SHISA9: variants seen among roughly 807,000 people sequenced by gnomAD.
SHISA9 encodes the protein protein shisa-9.
In SHISA9, 13 loss-of-function variants were observed where a neutral mutation model predicts 38.0. That is an observed-to-expected ratio of 0.34 (90% CI 0.22 to 0.54). The LOEUF (loss-of-function observed/expected upper bound fraction) is 0.54. Among genes scored for constraint, SHISA9 ranks in the 20% least tolerant of loss-of-function variants. The pLI is 0.91. For synonymous variants in SHISA9, 275 were observed against 242.0 expected (o/e 1.14, Z -1.27); for missense variants, 538 against 575.8 (o/e 0.93, Z 0.67).
At chr16:12,928,173 T>C (rs1448637121) in intron 2 of SHISA9, among the ~76,000 whole-genome samples, 2 of 51,138 alleles carry the variant, frequency 3.9e-5, no homozygotes, top group East Asian at 1.2e-3. Flanking sequence ...TTTCTTATCT[T>C]ATATTTTTTT....
chr16:13,220,917 T>A (rs1386642711), intron 4 of SHISA9, among the ~76,000 whole-genome samples: 1 of 152,040 alleles, frequency 6.6e-6, no homozygotes, highest in Non-Finnish European at 1.5e-5. Context: ...AGGGGGCCCA[T>A]GGTACAGGCT....
the SHISA9 span, among the ~76,000 whole-genome samples, chr16:13,376,813 G>T: frequency 6.6e-6 from 1 of 152,020 alleles, no homozygotes; most frequent in African/African-American, 2.4e-5. Flanking sequence ...TCAGCCTCCT[G>T]AGTAGCTGAG....
intron 2 of SHISA9, among the ~76,000 whole-genome samples, chr16:13,084,891 G>C (rs1438494650): frequency 6.6e-6 from 1 of 152,214 alleles, no homozygotes; most frequent in Admixed American, 6.5e-5. Context: ...TGATTTCCAA[G>C]GGGGGAAGGT....
the SHISA9 span, among the ~76,000 whole-genome samples, chr16:13,402,234 A>C: frequency 6.6e-6 from 1 of 152,170 alleles, no homozygotes; most frequent in Non-Finnish European, 1.5e-5. Flanking sequence ...AGAACCAGGA[A>C]GCCTTGGAGT....
At chr16:13,032,625 T>C (rs2073005524) in intron 2 of SHISA9, among the ~76,000 whole-genome samples, 1 of 152,168 alleles carries the variant, frequency 6.6e-6, no homozygotes. Context: ...TGTAATGAAG[T>C]AAAGTGCCTT....
chr16:12,905,997 C>T (rs769867918), intron 1 of SHISA9, among the ~76,000 whole-genome samples: 5 of 152,212 alleles, frequency 3.3e-5, no homozygotes, highest in Non-Finnish European at 7.3e-5. Flanking sequence ...GGGCTGCTTA[C>T]GCAGTTAATC....
At chr16:13,023,469 G>A (rs1016362213) in intron 2 of SHISA9, among the ~76,000 whole-genome samples, 17 of 152,094 alleles carry the variant, frequency 1.1e-4, no homozygotes, top group African/African-American at 1.9e-4. Context: ...GAATAGTGCC[G>A]CAATAAACAT....
the SHISA9 span, among the ~76,000 whole-genome samples, chr16:13,482,688 C>A: frequency 2.6e-3 from 393 of 151,928 alleles, 1 homozygote; most frequent in African/African-American, 8.9e-3. Flanking sequence ...GTAGTCCCAG[C>A]TACTCAGAAG....
At chr16:13,476,874 G>C in the SHISA9 span, among the ~76,000 whole-genome samples, 2 of 146,510 alleles carry the variant, frequency 1.4e-5, no homozygotes, top group Admixed American at 1.4e-4. Flanking sequence ...TCAGCCTCCC[G>C]AGTAGCTGGG....
the SHISA9 span, among the ~76,000 whole-genome samples, chr16:13,484,405 T>C: frequency 1.3e-5 from 2 of 152,210 alleles, no homozygotes; most frequent in Non-Finnish European, 2.9e-5. Context: ...TGTGTGCCTC[T>C]ACAGCACCAG....
chr16:13,213,971 A>G (rs1195788235), intron 4 of SHISA9, among the ~76,000 whole-genome samples: 1 of 152,220 alleles, frequency 6.6e-6, no homozygotes, highest in Non-Finnish European at 1.5e-5. Context: ...AAATGAGGAC[A>G]TGATGTCTAA....
chr16:13,429,750 A>C, the SHISA9 span, among the ~76,000 whole-genome samples: 6 of 152,210 alleles, frequency 3.9e-5, no homozygotes, highest in African/African-American at 1.4e-4. Flanking sequence ...TTGATAACTA[A>C]TTGAATGTGC....
chr16:13,126,976 G>GGA (rs547504510), intron 2 of SHISA9, among the ~76,000 whole-genome samples: 1 of 139,578 alleles, frequency 7.2e-6, no homozygotes, highest in African/African-American at 2.7e-5. Flanking sequence ...AATGAGAGAA[G>GGA]GAGAGAGAGA....
intron 2 of SHISA9, among the ~76,000 whole-genome samples, chr16:13,156,072 A>T (rs2050544270): frequency 6.6e-6 from 1 of 152,174 alleles, no homozygotes; most frequent in Admixed American, 6.5e-5. Flanking sequence ...TGGTATTTTG[A>T]AGGGACTTCA....
intron 1 of SHISA9, among the ~76,000 whole-genome samples, chr16:12,912,371 C>G (rs2071196533): frequency 6.6e-6 from 1 of 152,130 alleles, no homozygotes. Context: ...CAGAACCGAC[C>G]AAGTTCACAG....
chr16:12,957,939 A>C (rs529679584), intron 2 of SHISA9, among the ~76,000 whole-genome samples: 1 of 152,206 alleles, frequency 6.6e-6, no homozygotes. Flanking sequence ...TCGACTTTCA[A>C]GACCTTATTT....
chr16:13,199,701 T>C (rs190169355), intron 2 of SHISA9, among the ~76,000 whole-genome samples: 3 of 152,102 alleles, frequency 2.0e-5, no homozygotes, highest in Admixed American at 6.6e-5. Flanking sequence ...AGTAGAAAAG[T>C]TGATGGAAGA....
chr16:13,331,434 CTTCT>C, the SHISA9 span: 1 of 151,666 alleles, frequency 6.6e-6, no homozygotes, highest in Non-Finnish European at 1.5e-5. Flanking sequence ...CCAAACTCTT[CTTCT>C]TTCTATGATC....
At chr16:13,068,169 A>G (rs1042750721) in intron 2 of SHISA9, among the ~76,000 whole-genome samples, 13 of 152,078 alleles carry the variant, frequency 8.5e-5, no homozygotes, top group African/African-American at 2.9e-4. Flanking sequence ...TTCCCCATCC[A>G]TGGTGTGGGT....
Sources: allele counts gnomAD v4.1 joint callset (sites outside exome capture counted in the v4.1 genomes callset), GRCh38; gene constraint gnomAD v4.1.1; transcripts MANE v1.5; gene names NCBI Gene and HGNC (gene_info 2026-07-23, HGNC 2026-07-21).